Variants in GLRB observed in about 807,000 individuals in gnomAD.
The protein encoded by GLRB is glycine receptor subunit beta.
GLRB carries 33 observed loss-of-function variants against 54.2 expected under a neutral mutation model. The ratio of observed to expected loss-of-function variants is 0.61; its 90% CI spans 0.46 to 0.81. GLRB has a LOEUF of 0.81. GLRB is among the 40% of genes least tolerant of loss of function. The pLI is 0.00. For missense variants in GLRB, 572 were observed against 584.6 expected (o/e 0.98, Z 0.22); for synonymous variants, 209 against 208.2 (o/e 1.00, Z -0.03).
At chr4:157,112,944 A>C (rs1735475382) in intron 2 of GLRB, among the ~76,000 whole-genome samples, 1 of 151,944 alleles carries the variant, frequency 6.6e-6, no homozygotes, top group East Asian at 1.9e-4. Flanking sequence ...ATGAGCTCTG[A>C]GACCTCACCT....
At chr4:157,127,026 C>CAATAATAGAT (rs1354649742) in intron 4 of GLRB, among the ~76,000 whole-genome samples, 1 of 151,728 alleles carries the variant, frequency 6.6e-6, no homozygotes, top group Non-Finnish European at 1.5e-5. Flanking sequence ...TAGATTGCAA[C>CAATAATAGAT]TCCTTTTGGG....
At chr4:157,085,989 C>T (rs761457004) in intron 2 of GLRB, among the ~76,000 whole-genome samples, 8 of 151,906 alleles carry the variant, frequency 5.3e-5, no homozygotes, top group Middle Eastern at 3.4e-3. Flanking sequence ...TTTTTAGAGA[C>T]AGGATCTTAC....
chr4:157,133,556 G>A (rs1736293064), intron 4 of GLRB, among the ~76,000 whole-genome samples: 1 of 151,862 alleles, frequency 6.6e-6, no homozygotes, highest in African/African-American at 2.4e-5. Flanking sequence ...TTTTTTAAAA[G>A]CAAGGGGAGC....
chr4:157,165,708 T>C (rs1737680501), intron 9 of GLRB, among the ~76,000 whole-genome samples: 1 of 152,024 alleles, frequency 6.6e-6, no homozygotes, highest in South Asian at 2.1e-4. Flanking sequence ...CATTCATGTA[T>C]TCCTATTTTT....
chr4:157,165,241 G>A (rs1579257033), intron 9 of GLRB, among the ~76,000 whole-genome samples: 2 of 151,920 alleles, frequency 1.3e-5, no homozygotes, highest in African/African-American at 4.8e-5. Flanking sequence ...TTTACATATT[G>A]ACATATGAAA....
chr4:157,115,483 C>T (rs1179969046), intron 2 of GLRB, among the ~76,000 whole-genome samples: 1 of 151,684 alleles, frequency 6.6e-6, no homozygotes, highest in African/African-American at 2.4e-5. Flanking sequence ...CCATCTAAAA[C>T]CTCCACCAAC....
intron 2 of GLRB, among the ~76,000 whole-genome samples, chr4:157,089,187 C>T (rs907782139): frequency 3.3e-5 from 5 of 151,812 alleles, no homozygotes; most frequent in South Asian, 4.2e-4. Context: ...CCCAGGAGTT[C>T]GGGACAAGCA....
chr4:157,153,509 G>A (rs1737106721), intron 9 of GLRB, among the ~76,000 whole-genome samples: 1 of 152,178 alleles, frequency 6.6e-6, no homozygotes, highest in Non-Finnish European at 1.5e-5. Context: ...CAGGCTACTT[G>A]TTTATTGGAT....
At chr4:157,136,444 G>T in intron 4 of GLRB, 25 bp from the exon 5 acceptor site, 4 of 1,233,782 alleles carry the variant, frequency 3.2e-6, no homozygotes, top group South Asian at 2.4e-5. Context: ...ACATACACAT[G>T]TGCACGCATG....
chr4:157,122,685 A>G (rs1735875615), intron 4 of GLRB, among the ~76,000 whole-genome samples: 1 of 151,886 alleles, frequency 6.6e-6, no homozygotes, highest in South Asian at 2.1e-4. Flanking sequence ...CGCTTATGCC[A>G]TGAAGACTCT....
chr4:157,089,357 A>G (rs1734526162), intron 2 of GLRB, among the ~76,000 whole-genome samples: 1 of 152,154 alleles, frequency 6.6e-6, no homozygotes, highest in African/African-American at 2.4e-5. Context: ...CATTATTGCG[A>G]TCATGCTACT....
chr4:157,149,649 AT>A (rs1406685527), intron 8 of GLRB, among the ~76,000 whole-genome samples: 3 of 152,026 alleles, frequency 2.0e-5, no homozygotes, highest in Admixed American at 1.3e-4. Flanking sequence ...ATGAATTTTC[AT>A]TTTATTAACA....
At chr4:157,161,370 A>G (rs554708966) in intron 9 of GLRB, among the ~76,000 whole-genome samples, 1 of 152,296 alleles carries the variant, frequency 6.6e-6, no homozygotes, top group Non-Finnish European at 1.5e-5. Context: ...TGATCCTGTC[A>G]TTATGAAGTT....
At chr4:157,088,228 A>G (rs1734482455) in intron 2 of GLRB, among the ~76,000 whole-genome samples, 1 of 152,160 alleles carries the variant, frequency 6.6e-6, no homozygotes, top group Non-Finnish European at 1.5e-5. Context: ...CTTACCTATT[A>G]ATGAGTGGAT....
intron 9 of GLRB, among the ~76,000 whole-genome samples, chr4:157,156,914 T>G (rs1262417890): frequency 6.6e-6 from 1 of 152,212 alleles, no homozygotes; most frequent in African/African-American, 2.4e-5. Flanking sequence ...TTAAGCCTTC[T>G]GTTTTAACTT....
chr4:157,084,842 G>A (rs1178575163), intron 2 of GLRB: 13 of 334,164 alleles, frequency 3.9e-5, no homozygotes, highest in South Asian at 2.8e-4. Context: ...TTCATTAAGA[G>A]ATGAAATAGA....
chr4:157,090,348 G>A (rs943911230), intron 2 of GLRB, among the ~76,000 whole-genome samples: 2 of 152,124 alleles, frequency 1.3e-5, no homozygotes, highest in Non-Finnish European at 2.9e-5. Context: ...AATGAAAAGT[G>A]GGGCATTGTT....
intron 2 of GLRB, among the ~76,000 whole-genome samples, chr4:157,113,608 A>G (rs1278011991): frequency 1.3e-5 from 2 of 151,986 alleles, no homozygotes; most frequent in Admixed American, 6.6e-5. Context: ...ACTTTATGCA[A>G]AATATTTTTT....
intron 4 of GLRB, among the ~76,000 whole-genome samples, chr4:157,130,746 A>G (rs543045521): frequency 2.2e-4 from 33 of 151,658 alleles, no homozygotes; most frequent in Admixed American, 1.3e-3. Flanking sequence ...TCTGCTTTCA[A>G]TTTTTGGGGG....
Sources: allele counts gnomAD v4.1 joint callset (sites outside exome capture counted in the v4.1 genomes callset), GRCh38; gene constraint gnomAD v4.1.1; transcripts MANE v1.5; gene names NCBI Gene and HGNC (gene_info 2026-07-23, HGNC 2026-07-21).